Variants in GPR158 observed in about 807,000 individuals in gnomAD.
GPR158 encodes metabotropic glycine receptor.
Under a neutral mutation model 78.2 loss-of-function variants are expected in GPR158, and 30 were observed. The ratio of observed to expected loss-of-function variants is 0.38; its 90% CI spans 0.29 to 0.52. The LOEUF (loss-of-function observed/expected upper bound fraction) is 0.52, where lower values mean the gene tolerates loss of function less well. Among genes scored for constraint, GPR158 ranks in the 20% least tolerant of loss-of-function variants. GPR158 has a pLI of 0.83. For missense variants in GPR158, 1,463 were observed against 1,523.5 expected, an observed-to-expected ratio of 0.96 and a Z score of 0.66; for synonymous variants, 581 against 591.1, an observed-to-expected ratio of 0.98 and a Z score of 0.25.
At chr10:25,405,140 T>C (rs1476414611) in intron 3 of GPR158, among the ~76,000 whole-genome samples, 1 of 152,026 alleles carries the variant, frequency 6.6e-6, no homozygotes, top group Admixed American at 6.6e-5. Context: ...AAGAGACCAT[T>C]ATTAGGAAAG....
At chr10:25,242,416 T>C (rs1853639021) in intron 2 of GPR158, among the ~76,000 whole-genome samples, 1 of 152,240 alleles carries the variant, frequency 6.6e-6, no homozygotes, top group Non-Finnish European at 1.5e-5. Flanking sequence ...CTCAATATTT[T>C]CTGAGTGATT....
intron 4 of GPR158, among the ~76,000 whole-genome samples, chr10:25,440,955 C>T (rs1588865775): frequency 6.6e-6 from 1 of 151,970 alleles, no homozygotes; most frequent in African/African-American, 2.4e-5. Context: ...GACTCATAGT[C>T]TCATTTCTAA....
chr10:25,272,088 C>T (rs1398180211), intron 2 of GPR158, among the ~76,000 whole-genome samples: 1 of 152,082 alleles, frequency 6.6e-6, no homozygotes, highest in African/African-American at 2.4e-5. Flanking sequence ...TGTCTGAAAT[C>T]TAGATCAACA....
chr10:25,338,385 C>T (rs1855240845), intron 2 of GPR158, among the ~76,000 whole-genome samples: 2 of 137,288 alleles, frequency 1.5e-5, no homozygotes, highest in South Asian at 4.4e-4. Flanking sequence ...CTATATATCT[C>T]TCTCTATATA....
chr10:25,446,203 T>G (rs1265981908), intron 4 of GPR158, among the ~76,000 whole-genome samples: 1 of 152,182 alleles, frequency 6.6e-6, no homozygotes, highest in African/African-American at 2.4e-5. Context: ...TGGAATTACT[T>G]TCATGTCCAC....
chr10:25,178,484 G>T (rs1158178053), intron 1 of GPR158, among the ~76,000 whole-genome samples: 1 of 152,220 alleles, frequency 6.6e-6, no homozygotes, highest in Admixed American at 6.5e-5. Flanking sequence ...CCTTCTGGCA[G>T]CCAAGTTGAG....
In GPR158 at chr10:25,598,623, C is replaced by T. The variant is rs763891584; in HGVS notation, c.2997C>T (p.Asp999=). Residue 999 remains aspartate, a synonymous_variant, in exon 11 of 11, where the codon GAC becomes GAT. Coordinates refer to ENST00000376351, the MANE Select transcript of GPR158 (RefSeq NM_020752.3). ...ACCCAGGCACCACCCAGATGAAGGA[C>T]AACTTTGACATTGGGGAGGTGTGTC... The part of the protein sequence containing the change: ...DLNPGTTQMK[D]NFDIGEVCPW... 6.2e-7 allele frequency: 1 copy of T among 1,614,112 alleles called. No homozygotes were observed. The highest frequency in any genetic ancestry group is 2.2e-5 in the East Asian group (1 of 44,866).
intron 2 of GPR158, among the ~76,000 whole-genome samples, chr10:25,266,586 A>G (rs1854047885): frequency 6.6e-6 from 1 of 152,160 alleles, no homozygotes; most frequent in Non-Finnish European, 1.5e-5. Flanking sequence ...TTTACATTCT[A>G]AGCTTCTTAA....
intron 5 of GPR158, among the ~76,000 whole-genome samples, chr10:25,523,653 C>T (rs887595264): frequency 5.3e-5 from 8 of 151,972 alleles, no homozygotes; most frequent in Non-Finnish European, 1.2e-4. Context: ...ACTTCGGTAC[C>T]CTACTTTTTG....
At position 25,241,319 on chromosome 10, in the gene GPR158, C is replaced by CTCTTCTCTTT. The variant is rs1426337481; in HGVS notation, c.1008+20171_1008+20172insTTCTTCTCTT. 2.7e-3 allele frequency among the ~76,000 whole-genome samples: 323 copies of CTCTTCTCTTT among 117,500 alleles called. 9 individuals are homozygous for CTCTTCTCTTT. Among genetic ancestry groups the CTCTTCTCTTT allele is most frequent in the African/African-American group, 0.011 (303 of 26,710 alleles). 77.1% of individuals were successfully genotyped at this position (117,500 alleles called of 152,430 possible). A position where few individuals can be genotyped will look rare whatever the true frequency, so the allele number is the denominator to read the frequency against. On this transcript the variant is annotated intron_variant, in intron 2 of 10. Transcript: ENST00000376351. ...CTTTTCTTTTCTTTTCTTTTCTCTT[C>CTCTTCTCTTT]TCTTCTCTTCTCTTCTCTTTTCTCT... is the stretch of plus-strand genomic sequence containing the variant.
chr10:25,571,006 A>G (rs1400601615), intron 6 of GPR158, among the ~76,000 whole-genome samples: 1 of 152,170 alleles, frequency 6.6e-6, no homozygotes, highest in Non-Finnish European at 1.5e-5. Flanking sequence ...AGTGGGCATA[A>G]TTTGGGAACA....
intron 5 of GPR158, among the ~76,000 whole-genome samples, chr10:25,492,978 A>T (rs751227569): frequency 1.1e-4 from 16 of 151,692 alleles, no homozygotes; most frequent in Non-Finnish European, 1.6e-4. Flanking sequence ...TTTGAAAATG[A>T]TTTATCAAGT....
At chr10:25,277,683 T>A (rs1053186462) in intron 2 of GPR158, among the ~76,000 whole-genome samples, 3 of 152,124 alleles carry the variant, frequency 2.0e-5, no homozygotes, top group African/African-American at 7.2e-5. Flanking sequence ...CCTGTGGAGA[T>A]TATACCTAAG....
At chr10:25,387,893 A>C (rs1834244268) in intron 2 of GPR158, among the ~76,000 whole-genome samples, 1 of 152,178 alleles carries the variant, frequency 6.6e-6, no homozygotes, top group Non-Finnish European at 1.5e-5. Flanking sequence ...TCTCCATTGA[A>C]GACATCTGGT....
At chr10:25,213,589 C>T (rs370435408) in intron 1 of GPR158, among the ~76,000 whole-genome samples, 1 of 151,320 alleles carries the variant, frequency 6.6e-6, no homozygotes, top group African/African-American at 2.4e-5. Context: ...TTTTATTGCC[C>T]TCATGTGGTT....
intron 10 of GPR158, 118 bp downstream of exon 10, chr10:25,596,907 T>A (rs894206859): frequency 5.0e-6 from 4 of 805,226 alleles, no homozygotes; most frequent in Non-Finnish European, 8.0e-6. Flanking sequence ...TGCATGTATG[T>A]CTCAGAAAGA....
chr10:25,407,966 GC>G (rs145257265), intron 3 of GPR158, among the ~76,000 whole-genome samples: 2,598 of 152,038 alleles, frequency 0.017, 31 homozygotes, highest in South Asian at 0.049. Context: ...AAATATATGA[GC>G]AGTTAACATA....
chr10:25,471,517 G>C (rs1835501984), intron 5 of GPR158, among the ~76,000 whole-genome samples: 1 of 152,146 alleles, frequency 6.6e-6, no homozygotes, highest in South Asian at 2.1e-4. Flanking sequence ...TCTAGTTCTA[G>C]ATCCTTGAGG....
chr10:25,383,148 T>A (rs1269880819), intron 2 of GPR158, among the ~76,000 whole-genome samples: 2 of 152,208 alleles, frequency 1.3e-5, no homozygotes, highest in African/African-American at 2.4e-5. Flanking sequence ...ATGAGAAGAT[T>A]CAACGTTTTA....
Sources: gnomAD v4.1 joint callset for allele counts (sites outside exome capture counted in the v4.1 genomes callset) on GRCh38, gnomAD v4.1.1 for gene constraint, MANE v1.5 for transcripts, NCBI Gene and HGNC (gene_info 2026-07-23, HGNC 2026-07-21) for gene names.